The following ATP1A4 variants were observed in gnomAD, a reference collection of about 807,000 sequenced individuals.
The protein encoded by ATP1A4 is ATPase Na+/K+ transporting subunit alpha 4.
ATP1A4 carries 90 observed loss-of-function variants against 114.3 expected under a neutral mutation model. That is an observed-to-expected ratio of 0.79 (90% CI 0.66 to 0.94). The LOEUF (loss-of-function observed/expected upper bound fraction) is 0.94. ATP1A4 is among the 40% of genes least tolerant of loss of function. ATP1A4 has a pLI of 0.00. For missense variants in ATP1A4, 1,222 were observed against 1,313.6 expected, an observed-to-expected ratio of 0.93 and a Z score of 1.08; for synonymous variants, 511 against 494.1, an observed-to-expected ratio of 1.03 and a Z score of -0.45.
At chr1:160,182,166 C>A (rs1053960635) in intron 20 of ATP1A4, 135 bp downstream of exon 20, 7 of 705,860 alleles carry the variant, frequency 9.9e-6, no homozygotes, top group Admixed American at 2.1e-5. Flanking sequence ...CTCAGTGATA[C>A]AAGGAGAGTC....
rs778782273 is a variant in ATP1A4, at chr1:160,176,065, T to G, written c.2312-27T>G. 9 of 1,613,712 alleles carry G rather than the reference T, an allele frequency of 5.6e-6. No homozygotes were observed. In the South Asian group the frequency reaches 9.9e-5, roughly 18 times the overall value. ...GGGAGGCGTGTTCTCCCAGGGCTTCTCACAGGAGGTTGACCTTCCTCCCCA... is the reference window on the plus strand; with the variant it reads ...GGGAGGCGTGTTCTCCCAGGGCTTCGCACAGGAGGTTGACCTTCCTCCCCA... On this transcript the variant is annotated intron_variant, in intron 15 of 21. Transcript: ENST00000368081.
intron 3 of ATP1A4, 95 bp from the exon 4 acceptor site, chr1:160,155,950 C>A: frequency 1.3e-6 from 1 of 754,766 alleles, no homozygotes; most frequent in Non-Finnish European, 2.4e-6. Context: ...TCTCTTACAC[C>A]TGGTGAAACT....
At chr1:160,180,914 T>C (rs977006363) in intron 18 of ATP1A4, among the ~76,000 whole-genome samples, 9 of 151,732 alleles carry the variant, frequency 5.9e-5, no homozygotes, top group East Asian at 3.9e-4. Flanking sequence ...CGGGGTTTCA[T>C]TGTGTTAGCC....
Position 160,151,795 on chromosome 1 carries a change from A to C in ATP1A4, c.-246A>C. On this transcript the variant is annotated 5_prime_UTR_variant, in exon 1 of 22. Transcript: ENST00000368081. ...TCTCCTCCCTCTTCCCTCACTCCTG[A>C]CTCTTCCTCTTCCCAGCGGACGGCT... 2.3e-6 allele frequency: 1 copy of C among 443,654 alleles called. No individual in the cohort carries two copies. The highest frequency in any genetic ancestry group is 4.0e-6 in the Non-Finnish European group (1 of 247,190). 27.5% of individuals were successfully genotyped at this position (443,654 alleles called of 1,614,324 possible).
rs34032812 is a variant in ATP1A4 at position 160,157,088 on chromosome 1, C to CA, written c.525+938dup. Among the ~76,000 whole-genome samples the CA allele has an allele frequency of 5.9e-5, 9 of 151,638 alleles. No homozygotes were observed. In the East Asian group the frequency reaches 9.7e-4, roughly 16 times the overall value. On this transcript the variant is annotated intron_variant, in intron 4 of 21. Coordinates refer to ENST00000368081, the MANE Select transcript of ATP1A4 (RefSeq NM_144699.4). ...CTGGTGACAGACAGAGACGCTGTCT[C>CA]AAAAAAAAGACAGGGACGTGGCAAC... is the stretch of plus-strand genomic sequence containing the variant.
Position 160,159,490 on chromosome 1 carries a change from C to T in ATP1A4, c.742C>T (p.Arg248Ter), listed in dbSNP as rs753990329. Residue 248 changes from arginine (R) to a stop codon, truncating the protein, a stop_gained, in exon 6 of 22, where the codon CGA becomes TGA. Transcript: ENST00000368081. LOFTEE classifies it high-confidence loss of function. ...DFTHENPLET[R>*]NICFFSTNCV... is the part of the protein sequence containing the mutation. Reference sequence around the variant, plus strand: ...CACCCATGAGAACCCTCTGGAGACCCGAAACATCTGCTTCTTTTCCACCAA... The same window carrying T: ...CACCCATGAGAACCCTCTGGAGACCTGAAACATCTGCTTCTTTTCCACCAA... 1.4e-5 allele frequency: 23 copies of T among 1,613,000 alleles called. No individual in the cohort carries two copies. Among genetic ancestry groups the T allele is most frequent in the African/African-American group, 6.7e-5 (5 of 74,908 alleles).
chr1:160,153,917 C>T (rs893870554), intron 2 of ATP1A4, among the ~76,000 whole-genome samples: 3 of 152,068 alleles, frequency 2.0e-5, no homozygotes, highest in African/African-American at 4.8e-5. Flanking sequence ...TGGGGCCCCT[C>T]GGGTGTTTCA....
rs757813325 is a variant in ATP1A4 at position 160,174,552 on chromosome 1, T to C, written c.2143-27T>C. On this transcript the variant is annotated intron_variant, in intron 14 of 21. Transcript: ENST00000368081. ...TTCTGGATCTGATGCAATAAATTGTTCACTCTCTCTGTCTGGACTTCCTCA... is the reference window on the plus strand; with the variant it reads ...TTCTGGATCTGATGCAATAAATTGTCCACTCTCTCTGTCTGGACTTCCTCA... The C allele has an allele frequency of 3.9e-5, 63 of 1,605,000 alleles. No individual in the cohort carries two copies. The Admixed American group carries it at 5.7e-4, about 15-fold the overall frequency.
chr1:160,184,526 G>A (rs928488702), intron 20 of ATP1A4, among the ~76,000 whole-genome samples: 13 of 151,938 alleles, frequency 8.6e-5, no homozygotes, highest in South Asian at 2.1e-4. Flanking sequence ...CAGCCTGGAC[G>A]ACAGAGCAAG....
intron 17 of ATP1A4, chr1:160,177,286 A>T: frequency 2.0e-6 from 1 of 488,842 alleles, no homozygotes; most frequent in South Asian, 3.9e-5. Context: ...CATGTGATTC[A>T]AAGCTGACTC....
chr1:160,160,973 A>C (rs1168136700), intron 6 of ATP1A4, among the ~76,000 whole-genome samples: 1 of 152,218 alleles, frequency 6.6e-6, no homozygotes, highest in Non-Finnish European at 1.5e-5. Flanking sequence ...CTTACAAAGT[A>C]GGGTTTTCAT....
In ATP1A4 at chr1:160,181,739, C is replaced by T; in HGVS notation, c.2792C>T (p.Thr931Ile). 1 of 1,614,008 alleles carries T rather than the reference C, an allele frequency of 6.2e-7. No homozygotes were observed. The highest frequency in any genetic ancestry group is 8.5e-7 in the Non-Finnish European group (1 of 1,179,992). Reference sequence around the variant, plus strand: ...ACATGCCAAACGGCCTTTTTTGTCACCATCGTGGTTGTGCAGTGGGCGGAT... The same window carrying T: ...ACATGCCAAACGGCCTTTTTTGTCATCATCGTGGTTGTGCAGTGGGCGGAT... Reference protein sequence around the residue: ...EFTCQTAFFVTIVVVQWADLI... With the variant: ...EFTCQTAFFVIIVVVQWADLI... Residue 931 changes from threonine (T) to isoleucine (I), a missense_variant, in exon 19 of 22, where the codon ACC (threonine) becomes ATC (isoleucine). Physicochemically the swap from Thr to Ile is moderately conservative, Grantham distance 89. Transcript: ENST00000368081.
Position 160,171,275 on chromosome 1 carries a change from A to G in ATP1A4, c.1516A>G (p.Ser506Gly). The G allele has an allele frequency of 6.2e-7, 1 of 1,613,888 alleles. No individual in the cohort carries two copies. The highest frequency in any genetic ancestry group is 8.5e-7 in the Non-Finnish European group (1 of 1,179,858). The stretch of plus-strand genomic sequence containing the variant: ...GATGTCCATCCACCTTCGGGAGGAC[A>G]GCTCCCAGACCCACGTACTGATGAT... Reference protein sequence around the residue: ...YQMSIHLREDSSQTHVLMMKG... With the variant: ...YQMSIHLREDGSQTHVLMMKG... Residue 506 changes from serine to glycine, a missense_variant, in exon 11 of 22, where the codon AGC becomes GGC. Coordinates refer to ENST00000368081, the MANE Select transcript of ATP1A4 (RefSeq NM_144699.4).
chr1:160,179,230 T>C (rs527975433), intron 18 of ATP1A4, among the ~76,000 whole-genome samples: 2 of 152,308 alleles, frequency 1.3e-5, no homozygotes, highest in African/African-American at 2.4e-5. Flanking sequence ...GATGTCAATA[T>C]TCCCAGCTAT....
At position 160,179,765 on chromosome 1, in the gene ATP1A4, C is replaced by G. The variant is rs77514244; in HGVS notation, c.2737-1919C>G. On this transcript the variant is annotated intron_variant, in intron 18 of 21. Transcript: ENST00000368081. ...GAACAAAAATCATCAAGTTATTGCT[C>G]TCATGGAGCTTATTTCTAGTTAGGG... is the stretch of plus-strand genomic sequence containing the variant. Among the ~76,000 whole-genome samples, 331 of 152,244 alleles carry G rather than the reference C, an allele frequency of 2.2e-3. 6 individuals carry two copies. The East Asian group carries it at 0.041, about 19-fold the overall frequency.
Position 160,167,018 on chromosome 1 carries a change from G to C in ATP1A4, c.1297G>C (p.Ala433Pro), listed in dbSNP as rs143324502. 6.2e-6 allele frequency: 10 copies of C among 1,614,066 alleles called. No individual in the cohort carries two copies. The highest frequency in any genetic ancestry group is 8.5e-6 in the Non-Finnish European group (10 of 1,180,016). Residue 433 changes from alanine to proline, a missense_variant, in exon 9 of 22, where the codon GCT (alanine) becomes CCT (proline). By Grantham distance (27) the Ala-to-Pro change is conservative. Transcript: ENST00000368081. Reference protein sequence around the residue: ...SDTWFMLARIAGLCNRADFKA... With the variant: ...SDTWFMLARIPGLCNRADFKA... ...TACCTGGTTTATGCTGGCCCGAATC[G>C]CTGGCCTCTGCAACCGGGCTGACTT... is the stretch of plus-strand genomic sequence containing the variant.
chr1:160,155,172 T>C lies in ATP1A4; in HGVS notation c.335T>C (p.Leu112Pro), dbSNP rs1157367061. 1 of 1,604,112 alleles carries C rather than the reference T, an allele frequency of 6.2e-7. No homozygotes were observed. Reference sequence around the variant, plus strand: ...CTGTTCGGAGGCTTCTCCCTCCTACTATGGACTGGGGCCATTCTCTGCTTT... The same window carrying C: ...CTGTTCGGAGGCTTCTCCCTCCTACCATGGACTGGGGCCATTCTCTGCTTT... The part of the protein sequence containing the change: ...KQLFGGFSLL[L>P]WTGAILCFVA... Residue 112 changes from leucine to proline, a missense_variant, in exon 3 of 22, where the codon CTA (leucine) becomes CCA (proline). Transcript: ENST00000368081.
At position 160,156,190 on chromosome 1, in the gene ATP1A4, C is replaced by T. The variant is rs1300084745; in HGVS notation, c.525+32C>T. 2.1e-6 allele frequency: 3 copies of T among 1,433,698 alleles called. No individual in the cohort carries two copies. The South Asian group carries it at 3.4e-5, about 16-fold the overall frequency. The allele number at this position is 1,433,698 out of a possible 1,614,324, so 88.8% of individuals were successfully genotyped here. On this transcript the variant is annotated intron_variant, in intron 4 of 21. Coordinates refer to ENST00000368081, the MANE Select transcript of ATP1A4 (RefSeq NM_144699.4). Reference sequence around the variant, plus strand: ...TTGGAGTGGGAGGATCTAGTGGGAGCAGGAGCAGGATGTGGCCAAATACAC... The same window carrying T: ...TTGGAGTGGGAGGATCTAGTGGGAGTAGGAGCAGGATGTGGCCAAATACAC...
In ATP1A4 at chr1:160,167,037, C is replaced by A. The variant is rs919791742; in HGVS notation, c.1316C>A (p.Ala439Asp). The A allele has an allele frequency of 1.9e-6, 3 of 1,614,144 alleles. No individual in the cohort carries two copies. In the Admixed American group the frequency reaches 5.0e-5, roughly 27 times the overall value. The change falls in exon 9 of 22, where the codon GCT (alanine) becomes GAT (aspartate). Residue 439 changes from alanine (A) to aspartate (D), a missense_variant. By Grantham distance (126) the Ala-to-Asp change is moderately radical. Coordinates refer to ENST00000368081, the MANE Select transcript of ATP1A4 (RefSeq NM_144699.4). Reference sequence around the variant, plus strand: ...CGAATCGCTGGCCTCTGCAACCGGGCTGACTTTAAGGCTAATCAGGAGATC... The same window carrying A: ...CGAATCGCTGGCCTCTGCAACCGGGATGACTTTAAGGCTAATCAGGAGATC... ...LARIAGLCNR[A>D]DFKANQEILP...
Sources: allele counts gnomAD v4.1 joint callset (sites outside exome capture counted in the v4.1 genomes callset), GRCh38; gene constraint gnomAD v4.1.1; transcripts MANE v1.5; gene names NCBI Gene and HGNC (gene_info 2026-07-23, HGNC 2026-07-21).